Variants in POTEI observed in about 807,000 individuals in gnomAD.
POTEI encodes POTE ankyrin domain family, member I.
In POTEI, 14 loss-of-function variants were observed where a neutral mutation model predicts 43.4. That is an observed-to-expected ratio of 0.32 (90% CI 0.21 to 0.50). The LOEUF is 0.50. Ranked by LOEUF, POTEI falls within the 20% of genes least tolerant of loss-of-function variation. POTEI has a pLI of 0.98. For missense variants in POTEI, 235 were observed against 795.4 expected, an observed-to-expected ratio of 0.30 and a Z score of 8.47; for synonymous variants, 95 against 297.9, an observed-to-expected ratio of 0.32 and a Z score of 7.01.
chr2:130,507,272 GGATA>G (rs1193654303), intron 1 of POTEI, among the ~76,000 whole-genome samples: 373 of 11,494 alleles, frequency 0.032, 60 homozygotes, highest in South Asian at 0.047. Context: ...AAAAAAAAAA[GGATA>G]TATATATATA....
At chr2:130,475,170 T>C (rs1195975030) in intron 11 of POTEI, among the ~76,000 whole-genome samples, 1 of 108,542 alleles carries the variant, frequency 9.2e-6, no homozygotes, top group Non-Finnish European at 1.8e-5. Flanking sequence ...CACTGGCTTC[T>C]AACATGTGAA....
At chr2:130,474,033 G>C (rs1370690427) in intron 13 of POTEI, among the ~76,000 whole-genome samples, 2 of 145,536 alleles carry the variant, frequency 1.4e-5, no homozygotes, top group South Asian at 4.7e-4. Flanking sequence ...CGAGTATTTT[G>C]TTTATTATGT....
At chr2:130,479,024 C>G (rs1381321657) in intron 10 of POTEI, among the ~76,000 whole-genome samples, 2 of 125,268 alleles carry the variant, frequency 1.6e-5, no homozygotes, top group Non-Finnish European at 3.3e-5. Flanking sequence ...CTCCTGTATT[C>G]ACCAGAAAAT....
At chr2:130,464,631 T>C (rs1682780098) in intron 14 of POTEI, among the ~76,000 whole-genome samples, 1 of 151,440 alleles carries the variant, frequency 6.6e-6, no homozygotes, top group Non-Finnish European at 1.5e-5. Flanking sequence ...TTCTTAAAGT[T>C]CTTTTACTGA....
intron 8 of POTEI, among the ~76,000 whole-genome samples, chr2:130,488,562 T>C (rs1455001740): frequency 1.6e-5 from 2 of 123,908 alleles, no homozygotes; most frequent in African/African-American, 6.1e-5. Flanking sequence ...AAGACAAAGA[T>C]GCAAAATGTG....
upstream of POTEI, chr2:130,509,610 A>G: frequency 1.2e-5 from 1 of 83,332 alleles, no homozygotes; most frequent in Non-Finnish European, 2.0e-5. Flanking sequence ...GACCAACACC[A>G]AGCCAAGCAA....
At chr2:130,508,645 T>G in intron 1 of POTEI, 70 bp downstream of exon 1, 1 of 682,658 alleles carries the variant, frequency 1.5e-6, no homozygotes, top group Non-Finnish European at 2.1e-6. Context: ...GTCCCCCTCC[T>G]CCCCCGCCAG....
At chr2:130,507,316 AT>A (rs1684202246) in intron 1 of POTEI, among the ~76,000 whole-genome samples, 1 of 5,712 alleles carries the variant, frequency 1.8e-4, no homozygotes, top group African/African-American at 2.7e-4. Flanking sequence ...ATATATATAT[AT>A]ACACACACAC....
At chr2:130,474,157 C>T (rs1196037005) in intron 13 of POTEI, among the ~76,000 whole-genome samples, 9 of 151,178 alleles carry the variant, frequency 6.0e-5, no homozygotes, top group African/African-American at 2.2e-4. Context: ...AAGAAAATGC[C>T]TTTTCCCTCA....
At chr2:130,507,474 C>A (rs1322443188) in intron 1 of POTEI, among the ~76,000 whole-genome samples, 1 of 73,508 alleles carries the variant, frequency 1.4e-5, no homozygotes, top group African/African-American at 6.0e-5. Flanking sequence ...TGGTATGTTT[C>A]TCCTTTTGTA....
intron 1 of POTEI, among the ~76,000 whole-genome samples, chr2:130,506,526 TG>T (rs1684150420): frequency 9.5e-6 from 1 of 105,556 alleles, no homozygotes; most frequent in African/African-American, 3.3e-5. Context: ...CTTTTTTTTT[TG>T]AGATGGAGTC....
At position 130,462,998 on chromosome 2, in the gene POTEI, CCTT is replaced by C; in HGVS notation, c.3043_3045del (p.Lys1015del). On this transcript the variant is annotated inframe_deletion, in exon 15 of 15. Coordinates refer to ENST00000451531, the MANE Select transcript of POTEI (RefSeq NM_001277406.2). Reference sequence around the variant, plus strand: ...ATGCTAGGCGCCAGGGCAGCGATCTCCTTCTGCATTCTGTGGGCCATGCCAGGG... The same window carrying C: ...ATGCTAGGCGCCAGGGCAGCGATCTCCTGCATTCTGTGGGCCATGCCAGGG... The C allele has an allele frequency of 3.8e-6, 1 of 266,522 alleles. No homozygotes were observed. Among genetic ancestry groups the C allele is most frequent in the Non-Finnish European group, 6.7e-6 (1 of 148,950 alleles). 16.5% of individuals were successfully genotyped at this position (266,522 alleles called of 1,614,324 possible). A position where few individuals can be genotyped will look rare whatever the true frequency, so the allele number is the denominator to read the frequency against.
intron 10 of POTEI, among the ~76,000 whole-genome samples, chr2:130,480,363 A>T (rs1181616496): frequency 1.4e-5 from 2 of 145,276 alleles, no homozygotes. Flanking sequence ...TATTCACCTC[A>T]CTCCCAACCT....
intron 1 of POTEI, among the ~76,000 whole-genome samples, chr2:130,507,346 G>GTA (rs1281795013): frequency 1.6e-5 from 1 of 62,500 alleles, no homozygotes; most frequent in African/African-American, 6.6e-5. Flanking sequence ...ACATATATAT[G>GTA]TATATATATA....
intron 10 of POTEI, among the ~76,000 whole-genome samples, chr2:130,477,279 G>GAGTAA (rs370362778): frequency 0.089 from 12,850 of 143,656 alleles, no homozygotes; most frequent in Non-Finnish European, 0.14. Flanking sequence ...TCAGTCTCCT[G>GAGTAA]AGTAACTGTG....
chr2:130,508,713 A>G lies in POTEI; in HGVS notation c.521+2T>C. The G allele has an allele frequency of 9.4e-7, 1 of 1,069,348 alleles. No homozygotes were observed. Among genetic ancestry groups the G allele is most frequent in the Admixed American group, 2.7e-5 (1 of 37,038 alleles). 66.2% of individuals were successfully genotyped at this position (1,069,348 alleles called of 1,614,324 possible). On this transcript the variant is annotated splice_donor_variant, in intron 1 of 14. Coordinates refer to ENST00000451531, the MANE Select transcript of POTEI (RefSeq NM_001277406.2). LOFTEE classifies it high-confidence loss of function. ...ACCTCCTCCCAGCCCAGGCCTGGTT[A>G]CCTCTTTTGCTTGTCCTGCTTGTTC... is the stretch of plus-strand genomic sequence containing the variant.
rs1683921999 is a variant in POTEI at position 130,496,729 on chromosome 2, G to T, written c.1056-107C>A. On this transcript the variant is annotated intron_variant, in intron 5 of 14. Transcript: ENST00000451531. ...TATTTCAAACAATATCAGAATATCA[G>T]AACTTAATAGTATTATCCCATCCAC... The T allele has an allele frequency of 1.6e-6, 2 of 1,227,974 alleles. 1 individual carries two copies. Among genetic ancestry groups the T allele is most frequent in the East Asian group, 5.3e-5 (2 of 37,628 alleles). The allele number at this position is 1,227,974 out of a possible 1,614,324, so 76.1% of individuals were successfully genotyped here.
intron 1 of POTEI, among the ~76,000 whole-genome samples, chr2:130,507,371 T>A (rs1684211136): frequency 9.7e-5 from 1 of 10,282 alleles, no homozygotes; most frequent in African/African-American, 1.4e-4. Context: ...CACATATATA[T>A]GTATATATAC....
At chr2:130,488,709 T>C (rs1683656330) in intron 8 of POTEI, among the ~76,000 whole-genome samples, 1 of 111,362 alleles carries the variant, frequency 9.0e-6, no homozygotes, top group Non-Finnish European at 1.9e-5. Context: ...CCTTTGAGCA[T>C]TCTTTTTTCA....
Sources: allele counts gnomAD v4.1 joint callset (sites outside exome capture counted in the v4.1 genomes callset), GRCh38; gene constraint gnomAD v4.1.1; transcripts MANE v1.5; gene names NCBI Gene and HGNC (gene_info 2026-07-23, HGNC 2026-07-21).